Variants in UTRN observed in about 807,000 individuals in gnomAD.
UTRN encodes the protein utrophin.
Under a neutral mutation model 463.9 loss-of-function variants are expected in UTRN, and 283 were observed. That is an observed-to-expected ratio of 0.61 (90% confidence interval 0.55 to 0.67). The LOEUF is 0.67. UTRN is among the 30% of genes least tolerant of loss of function. UTRN has a pLI of 0.00. For synonymous variants in UTRN, 1,442 were observed against 1,431.5 expected (o/e 1.01, Z -0.17); for missense variants, 3,922 against 4,084.3 (o/e 0.96, Z 1.08).
chr6:144,662,099 T>C (rs898022225), intron 51 of UTRN, among the ~76,000 whole-genome samples: 18 of 152,314 alleles, frequency 1.2e-4, no homozygotes, highest in African/African-American at 3.4e-4. Flanking sequence ...CATATATGTG[T>C]ATTTTTGTGT....
At chr6:144,460,452 G>A (rs770607632) in intron 21 of UTRN, among the ~76,000 whole-genome samples, 7 of 152,198 alleles carry the variant, frequency 4.6e-5, no homozygotes, top group East Asian at 3.8e-4. Flanking sequence ...CAAATGTGTC[G>A]TATTGCCTTT....
intron 2 of UTRN, among the ~76,000 whole-genome samples, chr6:144,397,598 A>G (rs181837328): frequency 2.6e-5 from 4 of 152,174 alleles, no homozygotes; most frequent in Admixed American, 2.6e-4. Context: ...GTTTTCTTGT[A>G]GATACCAAAA....
intron 49 of UTRN, among the ~76,000 whole-genome samples, chr6:144,556,062 T>C (rs1250506623): frequency 6.6e-6 from 1 of 152,266 alleles, no homozygotes; most frequent in Non-Finnish European, 1.5e-5. Flanking sequence ...TTTTTAAAAG[T>C]GCTTTTAAGA....
chr6:144,305,350 C>G (rs1331984632), intron 2 of UTRN, among the ~76,000 whole-genome samples: 20 of 151,984 alleles, frequency 1.3e-4, no homozygotes, highest in Non-Finnish European at 2.6e-4. Flanking sequence ...TAGCAAAATA[C>G]AAAAATTTTT....
At chr6:144,561,254 T>TACACACACAC (rs1338147363) in intron 50 of UTRN, among the ~76,000 whole-genome samples, 1 of 54,776 alleles carries the variant, frequency 1.8e-5, no homozygotes, top group African/African-American at 5.1e-5. Context: ...TATATATATA[T>TACACACACAC]ATATATACAT....
intron 65 of UTRN, among the ~76,000 whole-genome samples, chr6:144,807,364 T>C (rs1429431789): frequency 1.3e-5 from 2 of 152,142 alleles, no homozygotes; most frequent in Non-Finnish European, 2.9e-5. Context: ...CTATCATGAC[T>C]CATGAAAGTA....
Position 144,702,728 on chromosome 6 carries a change from G to A in UTRN, c.7809+2485G>A, listed in dbSNP as rs138091492. Among the ~76,000 whole-genome samples, 691 of 152,260 alleles carry A rather than the reference G, an allele frequency of 4.5e-3. 2 individuals are homozygous for A. The highest frequency in any genetic ancestry group is 4.5e-3 in the Non-Finnish European group (306 of 68,024). Reference sequence around the variant, plus strand: ...CCCTCTTGAAAGTAGAACATTTAGGGAAAGGAGGCAGAGAGCACAAAGGCC... The same window carrying A: ...CCCTCTTGAAAGTAGAACATTTAGGAAAAGGAGGCAGAGAGCACAAAGGCC... On this transcript the variant is annotated intron_variant, in intron 53 of 74. Transcript: ENST00000367545.
At position 144,625,085 on chromosome 6, in the gene UTRN, T is replaced by C. The variant is rs1286815693; in HGVS notation, c.7479+47797T>C. 2.0e-5 allele frequency among the ~76,000 whole-genome samples: 3 copies of C among 152,316 alleles called. No individual in the cohort carries two copies. In the East Asian group the frequency reaches 5.8e-4, roughly 29 times the overall value. On this transcript the variant is annotated intron_variant, in intron 51 of 74. Transcript: ENST00000367545. ...TCTAATGGCTACTAACATTGAATTATTGGATTGGCAATAAAGGCCCTAATG... is the reference window on the plus strand; with the variant it reads ...TCTAATGGCTACTAACATTGAATTACTGGATTGGCAATAAAGGCCCTAATG...
intron 63 of UTRN, among the ~76,000 whole-genome samples, chr6:144,797,151 C>T (rs984922745): frequency 6.6e-6 from 1 of 151,292 alleles, no homozygotes; most frequent in Non-Finnish European, 1.5e-5. Flanking sequence ...GTAAAATTAT[C>T]GGTGAGTCTT....
rs150103440 is a variant in UTRN at position 144,297,083 on chromosome 6, C to A, written c.79+5176C>A. 4.8e-3 allele frequency among the ~76,000 whole-genome samples: 729 copies of A among 150,832 alleles called. 5 individuals carry two copies. Among genetic ancestry groups the A allele is most frequent in the African/African-American group, 0.017 (694 of 40,844 alleles). On this transcript the variant is annotated intron_variant, in intron 2 of 74. Transcript: ENST00000367545. ...ACTACTGCTCAAGGCTTTTAACGAG[C>A]TGAAGTTAAAAAAAAAAAAGGTAGT...
At chr6:144,726,469 A>C (rs942326628) in intron 53 of UTRN, among the ~76,000 whole-genome samples, 1 of 152,196 alleles carries the variant, frequency 6.6e-6, no homozygotes, top group African/African-American at 2.4e-5. Context: ...AGGCTCTACT[A>C]GGTCCCAGAC....
At chr6:144,797,572 C>T (rs1436694658) in intron 63 of UTRN, among the ~76,000 whole-genome samples, 1 of 152,136 alleles carries the variant, frequency 6.6e-6, no homozygotes, top group Non-Finnish European at 1.5e-5. Flanking sequence ...TTGTTTCTTT[C>T]AAAATCTGAG....
chr6:144,353,128 T>A (rs893956538), intron 2 of UTRN, among the ~76,000 whole-genome samples: 3 of 151,932 alleles, frequency 2.0e-5, no homozygotes, highest in Non-Finnish European at 4.4e-5. Flanking sequence ...ATTTTTTTTT[T>A]ATTTGGGTAA....
In UTRN at chr6:144,852,075, T is replaced by G. The variant is rs940559060; in HGVS notation, c.*1078T>G. The G allele has an allele frequency of 2.0e-5, 3 of 152,218 alleles. No homozygotes were observed. The highest frequency in any genetic ancestry group is 7.2e-5 in the African/African-American group (3 of 41,472). 9.4% of individuals were successfully genotyped at this position (152,218 alleles called of 1,614,324 possible). Reference sequence around the variant, plus strand: ...ATAGTTCTTGAAACTCCTAGTTGTTTTCTTGTTGAAAGCAGACACACATTT... The same window carrying G: ...ATAGTTCTTGAAACTCCTAGTTGTTGTCTTGTTGAAAGCAGACACACATTT... On this transcript the variant is annotated 3_prime_UTR_variant, in exon 75 of 75. Transcript: ENST00000367545.
At chr6:144,697,601 T>C (rs776394523) in intron 52 of UTRN, among the ~76,000 whole-genome samples, 7 of 152,170 alleles carry the variant, frequency 4.6e-5, no homozygotes, top group Non-Finnish European at 8.8e-5. Context: ...CAGAACAGAT[T>C]TGCCAGACAA....
chr6:144,818,338 A>AT (rs1321363979), intron 65 of UTRN, among the ~76,000 whole-genome samples: 4 of 151,362 alleles, frequency 2.6e-5, no homozygotes, highest in Non-Finnish European at 5.9e-5. Flanking sequence ...GATAGTGGTG[A>AT]TTTTTTTTAA....
At chr6:144,485,560 A>G in intron 28 of UTRN, 41 bp downstream of exon 28, 2 of 1,613,542 alleles carry the variant, frequency 1.2e-6, no homozygotes, top group Non-Finnish European at 1.7e-6. Context: ...CTTTGCTGTG[A>G]TGAGGCCACA....
Position 144,428,133 on chromosome 6 carries a change from A to C in UTRN, c.579-645A>C, listed in dbSNP as rs137899585. On this transcript the variant is annotated intron_variant, in intron 7 of 74. Transcript: ENST00000367545. ...AATGATTAACTTTTGGATAAGTCAA[A>C]GCAACAATAATGTCCAATTTGTGAG... is the stretch of plus-strand genomic sequence containing the variant. Among the ~76,000 whole-genome samples, 830 of 152,330 alleles carry C rather than the reference A, an allele frequency of 5.4e-3. 1 individual carries two copies. The highest frequency in any genetic ancestry group is 0.01 in the Middle Eastern group (3 of 294).
At chr6:144,305,733 C>A (rs1009579810) in intron 2 of UTRN, among the ~76,000 whole-genome samples, 1 of 152,188 alleles carries the variant, frequency 6.6e-6, no homozygotes, top group Non-Finnish European at 1.5e-5. Flanking sequence ...AGCCTGGGGA[C>A]CTTTGCCTTG....
Sources: allele counts gnomAD v4.1 joint callset (sites outside exome capture counted in the v4.1 genomes callset), GRCh38; gene constraint gnomAD v4.1.1; transcripts MANE v1.5; gene names NCBI Gene and HGNC (gene_info 2026-07-23, HGNC 2026-07-21).